The following NCKAP1 variants were observed in gnomAD, a reference collection of about 807,000 sequenced individuals.
The protein encoded by NCKAP1 is nck-associated protein 1.
A neutral mutation model predicts 151.2 loss-of-function variants in NCKAP1; 21 were observed. The ratio of observed to expected loss-of-function variants is 0.14; its 90% CI spans 0.10 to 0.20. The LOEUF is 0.20. NCKAP1 is among the 10% of genes least tolerant of loss of function. NCKAP1 has a pLI of 1.00. For missense variants in NCKAP1, 933 were observed against 1,352.1 expected, an observed-to-expected ratio of 0.69 and a Z score of 4.86; for synonymous variants, 484 against 451.8, an observed-to-expected ratio of 1.07 and a Z score of -0.90.
rs1696420705 is a variant in NCKAP1 at position 182,913,104 on chromosome 2, T to C, written c.*12598A>G. On this transcript the variant is annotated 3_prime_UTR_variant, in exon 31 of 31. Coordinates refer to ENST00000361354, the MANE Select transcript of NCKAP1 (RefSeq NM_013436.5). ...TCAGATGATGAGTAGTGACCCTAGT[T>C]TTACAGTCAAGATCAAACATGTAAA... The C allele has an allele frequency of 6.6e-6, 1 of 152,206 alleles. No homozygotes were observed. Among genetic ancestry groups the C allele is most frequent in the Non-Finnish European group, 1.5e-5 (1 of 68,046 alleles). The allele number at this position is 152,206 out of a possible 1,614,324, so 9.4% of individuals were successfully genotyped here.
intron 14 of NCKAP1, among the ~76,000 whole-genome samples, chr2:182,977,382 C>T (rs116518796): frequency 0.011 from 1,722 of 152,064 alleles, 15 homozygotes; most frequent in Non-Finnish European, 0.018. Flanking sequence ...CCCAGCTACT[C>T]GGGAGACTAA....
intron 15 of NCKAP1, among the ~76,000 whole-genome samples, chr2:182,976,541 T>C (rs1384502805): frequency 2.0e-5 from 3 of 152,222 alleles, no homozygotes; most frequent in Admixed American, 1.3e-4. Context: ...TGTTTCTTTA[T>C]TAGAAAAAGT....
chr2:182,959,070 T>C (rs1468759945), intron 18 of NCKAP1, among the ~76,000 whole-genome samples: 2 of 152,228 alleles, frequency 1.3e-5, no homozygotes, highest in Admixed American at 1.3e-4. Flanking sequence ...AAATTACATA[T>C]GTGGTTTACA....
rs779998008 is a variant in NCKAP1, at chr2:182,967,220, A to G, written c.1624T>C (p.Phe542Leu). Residue 542 changes from phenylalanine (F) to leucine (L), a missense_variant, in exon 16 of 31, where the codon TTT becomes CTT. Transcript: ENST00000361354. ...MLVETSDLSIFCFYSRAFEKM... is the reference protein window; with the variant it reads ...MLVETSDLSILCFYSRAFEKM... ...TTAGAGAAAATTACAACATACCAAA[A>G]TATGGAGAGATCTGATGTTTCCACC... 3 of 1,599,274 alleles carry G rather than the reference A, an allele frequency of 1.9e-6. No homozygotes were observed. The highest frequency in any genetic ancestry group is 1.7e-4 in the Middle Eastern group (1 of 6,008).
chr2:182,978,785 T>C (rs778687114), intron 14 of NCKAP1, 49 bp downstream of exon 14: 6 of 1,133,802 alleles, frequency 5.3e-6, no homozygotes, highest in Non-Finnish European at 7.5e-6. Flanking sequence ...TAATCAAGTT[T>C]GAAAATCTAA....
chr2:182,939,413 T>C (rs769051094), intron 24 of NCKAP1, among the ~76,000 whole-genome samples: 34 of 151,968 alleles, frequency 2.2e-4, no homozygotes, highest in Non-Finnish European at 4.1e-4. Context: ...CCTGTAGTCC[T>C]AGTTACTTGG....
At chr2:182,984,358 C>A (rs1299553671) in intron 10 of NCKAP1, among the ~76,000 whole-genome samples, 1 of 147,094 alleles carries the variant, frequency 6.8e-6, no homozygotes, top group African/African-American at 2.4e-5. Flanking sequence ...ATAAAATGTT[C>A]CAAGCAACTC....
intron 26 of NCKAP1, among the ~76,000 whole-genome samples, chr2:182,932,162 T>C (rs766134972): frequency 4.6e-5 from 7 of 152,150 alleles, no homozygotes; most frequent in Non-Finnish European, 1.0e-4. Context: ...CATTAAAAAC[T>C]TGTACACGGA....
chr2:182,934,118 C>T (rs761300371), intron 26 of NCKAP1, among the ~76,000 whole-genome samples: 1 of 151,794 alleles, frequency 6.6e-6, no homozygotes, highest in Non-Finnish European at 1.5e-5. Flanking sequence ...GTATTTAAAA[C>T]GACTATTATT....
At chr2:182,967,393 G>A in intron 15 of NCKAP1, 32 bp from the exon 16 acceptor site, 3 of 1,557,454 alleles carry the variant, frequency 1.9e-6, no homozygotes, top group African/African-American at 1.4e-5. Flanking sequence ...AAGTAGTTCA[G>A]GTAAACATAA....
At chr2:182,962,337 A>G (rs1697472160) in intron 17 of NCKAP1, 59 bp from the exon 18 acceptor site, 1 of 1,442,224 alleles carries the variant, frequency 6.9e-7, no homozygotes, top group Non-Finnish European at 9.4e-7. Context: ...TTGAATTAAA[A>G]AGACTTCTAA....
intron 8 of NCKAP1, among the ~76,000 whole-genome samples, chr2:182,990,473 T>C (rs1698145049): frequency 6.6e-6 from 1 of 152,234 alleles, no homozygotes; most frequent in Non-Finnish European, 1.5e-5. Context: ...TTGCTCTTTA[T>C]TATATGAATT....
chr2:183,036,864 C>A (rs79929074), intron 1 of NCKAP1, among the ~76,000 whole-genome samples: 2,459 of 150,444 alleles, frequency 0.016, 45 homozygotes, highest in Middle Eastern at 0.028. Context: ...AACCTACAAT[C>A]TATTGCTATG....
At chr2:182,989,299 C>T in intron 8 of NCKAP1, 113 bp from the exon 9 acceptor site, 1 of 733,594 alleles carries the variant, frequency 1.4e-6, no homozygotes, top group East Asian at 2.7e-5. Flanking sequence ...TAAATTGAGG[C>T]TTCTGAGTGA....
At chr2:183,018,213 C>T (rs1176287060) in intron 2 of NCKAP1, among the ~76,000 whole-genome samples, 1 of 152,104 alleles carries the variant, frequency 6.6e-6, no homozygotes, top group African/African-American at 2.4e-5. Context: ...TGCCATTGCA[C>T]TCCAGCCTGG....
chr2:183,000,654 A>G (rs1198686148), intron 6 of NCKAP1, among the ~76,000 whole-genome samples: 5 of 152,186 alleles, frequency 3.3e-5, no homozygotes, highest in Non-Finnish European at 7.3e-5. Flanking sequence ...CTTCTTGCAA[A>G]CTAATGATTC....
chr2:183,034,998 T>G (rs2105902990), intron 1 of NCKAP1, among the ~76,000 whole-genome samples: 1 of 152,190 alleles, frequency 6.6e-6, no homozygotes, highest in South Asian at 2.1e-4. Flanking sequence ...GTGCTCTTAA[T>G]CCCACCACCA....
chr2:182,956,761 A>G (rs568588735), intron 19 of NCKAP1, 168 bp from the exon 20 acceptor site: 8 of 603,236 alleles, frequency 1.3e-5, no homozygotes, highest in Non-Finnish European at 2.2e-5. Flanking sequence ...ACTAACACAT[A>G]AGAGCAATAT....
chr2:183,011,164 T>C (rs146995110), intron 2 of NCKAP1, among the ~76,000 whole-genome samples: 2 of 152,226 alleles, frequency 1.3e-5, no homozygotes, highest in African/African-American at 4.8e-5. Context: ...TTAGAAAATA[T>C]ACTTGTTACA....
Sources: gnomAD v4.1 joint callset for allele counts (sites outside exome capture counted in the v4.1 genomes callset) on GRCh38, gnomAD v4.1.1 for gene constraint, MANE v1.5 for transcripts, NCBI Gene and HGNC (gene_info 2026-07-23, HGNC 2026-07-21) for gene names.